The following CTNNB1 variants were observed in gnomAD, a reference collection of about 807,000 sequenced individuals.
CTNNB1 encodes the protein catenin beta 1, also known as catenin beta-1.
CTNNB1 carries 6 observed loss-of-function variants against 82.5 expected under a neutral mutation model. That is an observed-to-expected ratio of 0.07 (90% CI 0.04 to 0.14). The LOEUF (loss-of-function observed/expected upper bound fraction) is 0.14. CTNNB1 is among the 10% of genes least tolerant of loss of function. CTNNB1 has a pLI of 1.00. For missense variants in CTNNB1, 529 were observed against 980.4 expected (o/e 0.54, Z 6.15); for synonymous variants, 312 against 329.7 (o/e 0.95, Z 0.58).
intron 1 of CTNNB1, among the ~76,000 whole-genome samples, chr3:41,223,736 T>C (rs1221892153): frequency 6.6e-6 from 1 of 152,178 alleles, no homozygotes; most frequent in Admixed American, 6.5e-5. Context: ...TTATTACAAC[T>C]CTGTGCTTTT....
At position 41,239,214 on chromosome 3, in the gene CTNNB1, G is replaced by C. The variant is rs773278783; in HGVS notation, c.2218G>C (p.Gly740Arg). ...GMDPMMEHEMGGHHPGADYPV... is the reference protein window; with the variant it reads ...GMDPMMEHEMRGHHPGADYPV... ...GGACCCCATGATGGAACATGAGATG[G>C]GTGGCCACCACCCTGGTGCTGACTA... The change falls in exon 15 of 15, where the codon GGT becomes CGT. Residue 740 changes from glycine to arginine, a missense_variant. Coordinates refer to ENST00000349496, the MANE Select transcript of CTNNB1 (RefSeq NM_001904.4). The C allele has an allele frequency of 6.2e-7, 1 of 1,614,212 alleles. No homozygotes were observed. The highest frequency in any genetic ancestry group is 1.1e-5 in the South Asian group (1 of 91,084).
intron 7 of CTNNB1, among the ~76,000 whole-genome samples, chr3:41,228,603 C>T (rs1257260794): frequency 6.6e-6 from 1 of 152,072 alleles, no homozygotes; most frequent in Non-Finnish European, 1.5e-5. Flanking sequence ...TTATTGTAAA[C>T]TCTGGATATT....
intron 1 of CTNNB1, among the ~76,000 whole-genome samples, chr3:41,214,757 A>G (rs1397830082): frequency 1.3e-5 from 2 of 152,074 alleles, no homozygotes; most frequent in South Asian, 4.1e-4. Flanking sequence ...TGGCCTATGA[A>G]CTAAGAATCG....
Position 41,234,685 on chromosome 3 carries a change from A to C in CTNNB1, c.1683+388A>C, listed in dbSNP as rs144471719. On this transcript the variant is annotated intron_variant, in intron 10 of 14. Coordinates refer to ENST00000349496, the MANE Select transcript of CTNNB1 (RefSeq NM_001904.4). ...TGCATTTTGACTATAAATATTTAGC[A>C]GTCCGTTTTATTATCTTTTCTGTGA... 1,032 of 222,420 alleles carry C rather than the reference A, an allele frequency of 4.6e-3. 1 individual carries two copies. The highest frequency in any genetic ancestry group is 7.6e-3 in the Non-Finnish European group (829 of 109,616). The allele number at this position is 222,420 out of a possible 1,614,324, so 13.8% of individuals were successfully genotyped here. A position where few individuals can be genotyped will look rare whatever the true frequency, so the allele number is the denominator to read the frequency against.
chr3:41,219,463 C>G (rs566443028), intron 1 of CTNNB1, among the ~76,000 whole-genome samples: 66 of 152,256 alleles, frequency 4.3e-4, no homozygotes, highest in African/African-American at 1.4e-3. Flanking sequence ...ATACTGTATA[C>G]ATGTACTTCA....
chr3:41,236,276 T>C (rs2078432896), intron 11 of CTNNB1, 73 bp from the exon 12 acceptor site: 2 of 1,570,022 alleles, frequency 1.3e-6, no homozygotes, highest in South Asian at 1.1e-5. Flanking sequence ...TTGGGAATGT[T>C]TGCACCACAG....
intron 1 of CTNNB1, among the ~76,000 whole-genome samples, chr3:41,212,326 C>CT (rs1395089156): frequency 1.3e-5 from 2 of 152,002 alleles, no homozygotes; most frequent in Admixed American, 1.3e-4. Flanking sequence ...ATCACCCAAC[C>CT]TTTTTTTTCC....
At chr3:41,200,276 T>C (rs1355964679) in intron 1 of CTNNB1, 2 of 152,224 alleles carry the variant, frequency 1.3e-5, no homozygotes, top group East Asian at 3.9e-4. Context: ...GAAGCAACTT[T>C]AAACCTTAGA....
At chr3:41,233,021 A>G (rs2078346695) in intron 7 of CTNNB1, among the ~76,000 whole-genome samples, 1 of 152,230 alleles carries the variant, frequency 6.6e-6, no homozygotes, top group Non-Finnish European at 1.5e-5. Context: ...TACTGAATAA[A>G]TATTTTTGAA....
At position 41,234,520 on chromosome 3, in the gene CTNNB1, G is replaced by A. The variant is rs557304383; in HGVS notation, c.1683+223G>A. On this transcript the variant is annotated intron_variant, in intron 10 of 14. Transcript: ENST00000349496. ...CTTGGACACGTCCTTCACATGGTCA[G>A]TCTTACAAAGGTTGGGTTAGGTGTT... The A allele has an allele frequency of 3.8e-4, 215 of 568,572 alleles. 1 individual carries two copies. Among genetic ancestry groups the A allele is most frequent in the African/African-American group, 3.6e-3 (191 of 53,346 alleles). The allele number at this position is 568,572 out of a possible 1,614,324, so 35.2% of individuals were successfully genotyped here.
At position 41,227,415 on chromosome 3, in the gene CTNNB1, T is replaced by G. The variant is rs1025060073; in HGVS notation, c.1081+63T>G. 3.2e-5 allele frequency: 51 copies of G among 1,570,752 alleles called. 2 individuals are homozygous for G. In the South Asian group the frequency reaches 5.1e-4, roughly 16 times the overall value. ...ATCTGCAGTTCTAATTAGATTACTT[T>G]TCTTAGGAAAAGGTGGTAGAACTTT... On this transcript the variant is annotated intron_variant, in intron 7 of 14. Coordinates refer to ENST00000349496, the MANE Select transcript of CTNNB1 (RefSeq NM_001904.4).
chr3:41,200,681 G>T (rs1006436394), intron 1 of CTNNB1, among the ~76,000 whole-genome samples: 4 of 152,190 alleles, frequency 2.6e-5, no homozygotes, highest in Non-Finnish European at 4.4e-5. Flanking sequence ...TTCAAGCATT[G>T]CAACTTCTTT....
intron 10 of CTNNB1, chr3:41,235,232 AGGCTGTCAGCT>A (rs2078407972): frequency 1.1e-5 from 2 of 179,930 alleles, no homozygotes; most frequent in African/African-American, 2.4e-5. Flanking sequence ...TCTATACATG[AGGCTGTCAGCT>A]GAATAGTCTT....
chr3:41,235,754 G>A lies in CTNNB1; in HGVS notation c.1714G>A (p.Gly572Ser), dbSNP rs2125644674. The change falls in exon 11 of 15, where the codon GGT becomes AGT. Residue 572 changes from glycine to serine, a missense_variant. Physicochemically the swap from Gly to Ser is moderately conservative, Grantham distance 56. This residue lies in a region of CTNNB1 where 411 missense variants were observed against 776.4 expected (regional missense o/e 0.53). Transcript: ENST00000349496. Reference sequence around the variant, plus strand: ...GGTCCGCATGGAAGAAATAGTTGAAGGTTGTACCGGAGCCCTTCACATCCT... The same window carrying A: ...GGTCCGCATGGAAGAAATAGTTGAAAGTTGTACCGGAGCCCTTCACATCCT... Reference protein sequence around the residue: ...EGVRMEEIVEGCTGALHILAR... With the variant: ...EGVRMEEIVESCTGALHILAR... The A allele has an allele frequency of 6.2e-7, 1 of 1,614,146 alleles. No individual in the cohort carries two copies. The highest frequency in any genetic ancestry group is 8.5e-7 in the Non-Finnish European group (1 of 1,180,006).
At chr3:41,218,127 T>C (rs1047681896) in intron 1 of CTNNB1, among the ~76,000 whole-genome samples, 55 of 152,300 alleles carry the variant, frequency 3.6e-4, no homozygotes, top group African/African-American at 1.3e-3. Flanking sequence ...TGAATATAGG[T>C]TTAATTTTAA....
intron 7 of CTNNB1, chr3:41,233,089 G>A (rs1196895274): frequency 1.6e-5 from 9 of 579,718 alleles, no homozygotes; most frequent in Non-Finnish European, 2.8e-5. Context: ...GGGGACAGTG[G>A]AGATAACAAA....
chr3:41,224,758 G>C lies in CTNNB1; in HGVS notation c.241+5G>C, dbSNP rs2078134906. The C allele has an allele frequency of 1.9e-6, 3 of 1,612,712 alleles. No individual in the cohort carries two copies. The highest frequency in any genetic ancestry group is 1.7e-5 in the Admixed American group (1 of 59,896). Reference sequence around the variant, plus strand: ...TCACTCAAGAACAAGTAGCTGGTAAGAGTATTATTTTTCATTGCCTTACTG... The same window carrying C: ...TCACTCAAGAACAAGTAGCTGGTAACAGTATTATTTTTCATTGCCTTACTG... On this transcript the variant is annotated splice_donor_5th_base_variant and intron_variant, in intron 3 of 14. Transcript: ENST00000349496.
chr3:41,234,904 A>G (rs2078399541), intron 10 of CTNNB1: 1 of 159,884 alleles, frequency 6.3e-6, no homozygotes, highest in Admixed American at 5.9e-5. Flanking sequence ...TTAGAAAACA[A>G]AGATGGAGCC....
In CTNNB1 at chr3:41,234,494, C is replaced by T; in HGVS notation, c.1683+197C>T. On this transcript the variant is annotated intron_variant, in intron 10 of 14. Transcript: ENST00000349496. ...GCATAGTGTGGCCCCAGTGATATTT[C>T]CTTGGACACGTCCTTCACATGGTCA... 5 of 624,140 alleles carry T rather than the reference C, an allele frequency of 8.0e-6. No homozygotes were observed. The South Asian group carries it at 9.2e-5, about 12-fold the overall frequency. The allele number at this position is 624,140 out of a possible 1,614,324, so 38.7% of individuals were successfully genotyped here. A position where few individuals can be genotyped will look rare whatever the true frequency, so the allele number is the denominator to read the frequency against.
Sources: allele counts gnomAD v4.1 joint callset (sites outside exome capture counted in the v4.1 genomes callset), GRCh38; gene constraint gnomAD v4.1.1; regional missense constraint gnomAD v4.1.1; transcripts MANE v1.5; gene names NCBI Gene and HGNC (gene_info 2026-07-23, HGNC 2026-07-21).